The following SAMTOR variants were observed in gnomAD, a reference collection of about 807,000 sequenced individuals.
The protein encoded by SAMTOR is S-adenosylmethionine sensor upstream of mTORC1.
the SAMTOR span, chr7:112,821,770 C>T: frequency 1.2e-6 from 2 of 1,608,682 alleles, no homozygotes; most frequent in South Asian, 2.2e-5. Context: ...ATGGGGTCTT[C>T]TAGCTCATAG....
At chr7:112,939,430 C>T in the SAMTOR span, 6 of 1,120,332 alleles carry the variant, frequency 5.4e-6, no homozygotes, top group East Asian at 2.6e-5. Flanking sequence ...CGTCTGATGC[C>T]GACTAGGGGG....
the SAMTOR span, among the ~76,000 whole-genome samples, chr7:112,863,543 G>T: frequency 6.6e-6 from 1 of 152,168 alleles, no homozygotes; most frequent in African/African-American, 2.4e-5. Context: ...ATCTGACAAA[G>T]GTCTAGTATC....
chr7:112,866,452 A>C, the SAMTOR span, among the ~76,000 whole-genome samples: 1 of 152,202 alleles, frequency 6.6e-6, no homozygotes, highest in Admixed American at 6.5e-5. Context: ...ATTACAACTA[A>C]AGAAGCCACC....
the SAMTOR span, among the ~76,000 whole-genome samples, chr7:112,922,072 C>T: frequency 6.6e-6 from 1 of 152,146 alleles, no homozygotes; most frequent in Non-Finnish European, 1.5e-5. Context: ...TCTCCTGCAT[C>T]AGCCTGCCGA....
At chr7:112,937,138 T>C in the SAMTOR span, among the ~76,000 whole-genome samples, 1 of 152,324 alleles carries the variant, frequency 6.6e-6, no homozygotes. Flanking sequence ...TCTTAAACTA[T>C]AGATCTGAGG....
At chr7:112,922,149 G>A in the SAMTOR span, among the ~76,000 whole-genome samples, 2 of 152,180 alleles carry the variant, frequency 1.3e-5, no homozygotes, top group African/African-American at 4.8e-5. Flanking sequence ...GTGGAGACGG[G>A]GTTTCGCTGT....
the SAMTOR span, among the ~76,000 whole-genome samples, chr7:112,870,129 G>A: frequency 6.6e-6 from 1 of 152,140 alleles, no homozygotes; most frequent in African/African-American, 2.4e-5. Context: ...AAACATACAT[G>A]AGGACATAAT....
At chr7:112,827,556 A>G in the SAMTOR span, among the ~76,000 whole-genome samples, 2 of 152,204 alleles carry the variant, frequency 1.3e-5, no homozygotes, top group African/African-American at 4.8e-5. Flanking sequence ...GAACCACTGT[A>G]CATACCCAAA....
chr7:112,907,375 TA>T, the SAMTOR span, among the ~76,000 whole-genome samples: 1 of 152,160 alleles, frequency 6.6e-6, no homozygotes, highest in Non-Finnish European at 1.5e-5. Flanking sequence ...AGAAATCCCC[TA>T]AGTACTAGAA....
chr7:112,929,880 A>G, the SAMTOR span, among the ~76,000 whole-genome samples: 1 of 152,142 alleles, frequency 6.6e-6, no homozygotes, highest in East Asian at 1.9e-4. Context: ...CATGAATCAT[A>G]TCTCAATAAA....
chr7:112,876,457 T>C, the SAMTOR span, among the ~76,000 whole-genome samples: 13 of 152,156 alleles, frequency 8.5e-5, no homozygotes, highest in African/African-American at 2.9e-4. Flanking sequence ...TAATATGTTC[T>C]CTACCCCACA....
chr7:112,902,302 G>A, the SAMTOR span, among the ~76,000 whole-genome samples: 2 of 151,494 alleles, frequency 1.3e-5, no homozygotes, highest in Non-Finnish European at 2.9e-5. Context: ...TTGGGAGGCT[G>A]AGGCAGGAAA....
chr7:112,920,111 C>A, the SAMTOR span, among the ~76,000 whole-genome samples: 1 of 152,224 alleles, frequency 6.6e-6, no homozygotes, highest in Admixed American at 6.5e-5. Flanking sequence ...AGGCCAGCAT[C>A]ATCCTGATAC....
chr7:112,827,117 T>C, the SAMTOR span, among the ~76,000 whole-genome samples: 2 of 152,228 alleles, frequency 1.3e-5, no homozygotes, highest in African/African-American at 4.8e-5. Flanking sequence ...AATGTAGCCA[T>C]GCCAGCTTTC....
At chr7:112,837,201 G>T in the SAMTOR span, among the ~76,000 whole-genome samples, 1 of 152,044 alleles carries the variant, frequency 6.6e-6, no homozygotes, top group African/African-American at 2.4e-5. Context: ...TGTGGCAATT[G>T]TGGATGGGGT....
At chr7:112,897,092 G>A in the SAMTOR span, among the ~76,000 whole-genome samples, 8 of 152,242 alleles carry the variant, frequency 5.3e-5, no homozygotes, top group South Asian at 1.7e-3. Flanking sequence ...AAGATCCACA[G>A]GCCAATTTTA....
the SAMTOR span, among the ~76,000 whole-genome samples, chr7:112,830,802 A>G: frequency 6.6e-6 from 1 of 152,216 alleles, no homozygotes; most frequent in African/African-American, 2.4e-5. Context: ...ATCTTCATGC[A>G]GGAATTTACC....
At chr7:112,878,693 A>G in the SAMTOR span, among the ~76,000 whole-genome samples, 1 of 152,204 alleles carries the variant, frequency 6.6e-6, no homozygotes, top group Non-Finnish European at 1.5e-5. Context: ...ATGAAGTTCA[A>G]TATTACTGAG....
the SAMTOR span, among the ~76,000 whole-genome samples, chr7:112,938,617 A>C: frequency 2.0e-5 from 3 of 152,300 alleles, no homozygotes; most frequent in African/African-American, 7.2e-5. Flanking sequence ...TAAAATGAGA[A>C]CCAGTGGAAA....
Sources: gnomAD v4.1 joint callset for allele counts (sites outside exome capture counted in the v4.1 genomes callset) on GRCh38, gnomAD v4.1.1 for gene constraint, MANE v1.5 for transcripts, NCBI Gene and HGNC (gene_info 2026-07-23, HGNC 2026-07-21) for gene names.